HEATR9: variants seen among roughly 807,000 people sequenced by gnomAD.
The protein encoded by HEATR9 is HEAT repeat containing 9.
Under a neutral mutation model 68.2 loss-of-function variants are expected in HEATR9, and 54 were observed. The observed-to-expected ratio is 0.79, with a 90% confidence interval of 0.64 to 0.99. HEATR9 has a LOEUF of 0.99. HEATR9 is among the 50% of genes least tolerant of loss of function. HEATR9 has a pLI of 0.00. For missense variants in HEATR9, 662 were observed against 679.7 expected (o/e 0.97, Z 0.29); for synonymous variants, 241 against 253.5 (o/e 0.95, Z 0.47).
At chr17:35,863,669 TAGA>T in intron 6 of HEATR9, 110 bp from the exon 7 acceptor site, 1 of 1,195,016 alleles carries the variant, frequency 8.4e-7, no homozygotes, top group Non-Finnish European at 1.2e-6. Flanking sequence ...AACTGAAGCC[TAGA>T]AAGTGACCTA....
At chr17:35,856,835 G>A (rs757091517) in intron 11 of HEATR9, 30 bp from the exon 12 acceptor site, 1 of 1,566,368 alleles carries the variant, frequency 6.4e-7, no homozygotes, top group South Asian at 1.2e-5. Flanking sequence ...AGTCAACAGA[G>A]AGAGGGAATG....
Position 35,854,956 on chromosome 17 carries a change from A to T in HEATR9, c.*107T>A. The T allele has an allele frequency of 2.3e-6, 2 of 879,208 alleles. No individual in the cohort carries two copies. Among genetic ancestry groups the T allele is most frequent in the Non-Finnish European group, 1.8e-6 (1 of 569,832 alleles). 54.5% of individuals were successfully genotyped at this position (879,208 alleles called of 1,614,324 possible). A position where few individuals can be genotyped will look rare whatever the true frequency, so the allele number is the denominator to read the frequency against. Reference sequence around the variant, plus strand: ...AGTGATTCAGAGAAATGTGGTAGGTAGAGTGACACTTGTTTATTCACGGAA... The same window carrying T: ...AGTGATTCAGAGAAATGTGGTAGGTTGAGTGACACTTGTTTATTCACGGAA... On this transcript the variant is annotated 3_prime_UTR_variant, in exon 15 of 15. Coordinates refer to ENST00000604834, the MANE Select transcript of HEATR9 (RefSeq NM_152781.4).
At position 35,863,110 on chromosome 17, in the gene HEATR9, T is replaced by G; in HGVS notation, c.641A>C (p.His214Pro). 6.2e-7 allele frequency: 1 copy of G among 1,614,128 alleles called. No individual in the cohort carries two copies. Among genetic ancestry groups the G allele is most frequent in the Non-Finnish European group, 8.5e-7 (1 of 1,180,030 alleles). The part of the protein sequence containing the change: ...TLAILGCLNK[H>P]VIRALIKQLK... Reference sequence around the variant, plus strand: ...CTGTTTGATGAGAGCCCGGATCACATGCTTATTCAGGCAACCTGGACAGGG... The same window carrying G: ...CTGTTTGATGAGAGCCCGGATCACAGGCTTATTCAGGCAACCTGGACAGGG... Residue 214 changes from histidine to proline, a missense_variant, in exon 8 of 15, where the codon CAT becomes CCT. Transcript: ENST00000604834.
intron 8 of HEATR9, among the ~76,000 whole-genome samples, chr17:35,859,292 G>A (rs2087892337): frequency 6.6e-6 from 1 of 152,048 alleles, no homozygotes; most frequent in Admixed American, 6.6e-5. Flanking sequence ...CAACACTTCT[G>A]CTGTGTTAAT....
At chr17:35,857,226 C>A (rs560652302) in intron 11 of HEATR9, among the ~76,000 whole-genome samples, 2 of 152,226 alleles carry the variant, frequency 1.3e-5, no homozygotes, top group South Asian at 2.1e-4. Flanking sequence ...TGGACTCTTC[C>A]AAGCACTCTG....
In HEATR9 at chr17:35,855,148, G is replaced by C; in HGVS notation, c.1628C>G (p.Pro543Arg). The C allele has an allele frequency of 6.2e-7, 1 of 1,614,162 alleles. No individual in the cohort carries two copies. The highest frequency in any genetic ancestry group is 1.1e-5 in the South Asian group (1 of 91,080). ...TPAFPPCCSK[P>R]RKHRPQVIGP... Reference sequence around the variant, plus strand: ...TATGACCTGTGGCCTATGTTTTCGTGGTTTCGAGCAGCACGGTGGGAAAGC... The same window carrying C: ...TATGACCTGTGGCCTATGTTTTCGTCGTTTCGAGCAGCACGGTGGGAAAGC... The change falls in exon 15 of 15, where the codon CCA (proline) becomes CGA (arginine). Residue 543 changes from proline (P) to arginine (R), a missense_variant. Pro to Arg is a moderately radical substitution (Grantham distance 103). Transcript: ENST00000604834.
chr17:35,855,146 G>T lies in HEATR9; in HGVS notation c.1630C>A (p.Arg544=). ...CCTATGACCTGTGGCCTATGTTTTC[G>T]TGGTTTCGAGCAGCACGGTGGGAAA... ...PAFPPCCSKP[R]KHRPQVIGPW... Residue 544 remains arginine (R), a synonymous_variant, in exon 15 of 15, where the codon CGA becomes AGA. Transcript: ENST00000604834. The T allele has an allele frequency of 6.2e-7, 1 of 1,614,142 alleles. No homozygotes were observed.
At chr17:35,868,604 TC>T (rs1441040687) in intron 1 of HEATR9, 50 bp downstream of exon 1, 1 of 1,612,668 alleles carries the variant, frequency 6.2e-7, no homozygotes, top group Non-Finnish European at 8.5e-7. Flanking sequence ...AGGTAGCATT[TC>T]TTTTTCAGTC....
At chr17:35,867,639 C>T (rs2088256377) in intron 1 of HEATR9, among the ~76,000 whole-genome samples, 1 of 151,848 alleles carries the variant, frequency 6.6e-6, no homozygotes, top group Non-Finnish European at 1.5e-5. Context: ...TGAGACTGCC[C>T]CCTAACCCTC....
chr17:35,864,260 C>G lies in HEATR9; in HGVS notation c.553G>C (p.Ala185Pro). The change falls in exon 6 of 15, where the codon GCA (alanine) becomes CCA (proline). Residue 185 changes from alanine (A) to proline (P), a missense_variant. Transcript: ENST00000604834. ...CTCAGACTCACCACCTGCTGTAGTG[C>G]CTCCATGACAAACTTGTCACTGATG... Reference protein sequence around the residue: ...LRISDKFVMEALQQVAQTGPE... With the variant: ...LRISDKFVMEPLQQVAQTGPE... The G allele has an allele frequency of 6.2e-7, 1 of 1,612,374 alleles. No homozygotes were observed. The highest frequency in any genetic ancestry group is 8.5e-7 in the Non-Finnish European group (1 of 1,178,386).
chr17:35,861,535 C>T, intron 8 of HEATR9: 1 of 885,360 alleles, frequency 1.1e-6, no homozygotes, highest in Non-Finnish European at 1.9e-6. Flanking sequence ...GTAGATGGGC[C>T]TCGAAGAGAA....
At chr17:35,865,835 T>TC (rs1322492400) in intron 2 of HEATR9, among the ~76,000 whole-genome samples, 2 of 152,162 alleles carry the variant, frequency 1.3e-5, no homozygotes, top group African/African-American at 4.8e-5. Context: ...AGACTATTGC[T>TC]CATTCAGATA....
chr17:35,860,879 A>G (rs2087964077), intron 8 of HEATR9, among the ~76,000 whole-genome samples: 2 of 152,022 alleles, frequency 1.3e-5, no homozygotes, highest in South Asian at 2.1e-4. Context: ...CCTCGTCTCT[A>G]TTAAAAATAC....
Position 35,858,269 on chromosome 17 carries a change from G to T in HEATR9, c.1083C>A (p.Ile361=). 6.2e-7 allele frequency: 1 copy of T among 1,614,170 alleles called. No individual in the cohort carries two copies. Among genetic ancestry groups the T allele is most frequent in the Non-Finnish European group, 8.5e-7 (1 of 1,180,026 alleles). ...TGAGTTCCTCTAGCCCCTGTGCCTG[G>T]ATCTGTTCCAGCCCAATGGTCTTGA... ...QMLKTIGLEQ[I]QAQGLEELTF... The change falls in exon 11 of 15, where the codon ATC becomes ATA. Residue 361 remains isoleucine (I), a synonymous_variant. Coordinates refer to ENST00000604834, the MANE Select transcript of HEATR9 (RefSeq NM_152781.4).
Position 35,866,785 on chromosome 17 carries a change from GA to G in HEATR9, c.89-13del. ...GGCTTTTCTGAGTTCTGGCAAGAGG[GA>G]TAAGAGTATGTGTGTGGTTCAAATG... is the stretch of plus-strand genomic sequence containing the variant. On this transcript the variant is annotated splice_polypyrimidine_tract_variant and intron_variant, in intron 1 of 14. Coordinates refer to ENST00000604834, the MANE Select transcript of HEATR9 (RefSeq NM_152781.4). 1 of 1,613,508 alleles carries G rather than the reference GA, an allele frequency of 6.2e-7. No homozygotes were observed. Among genetic ancestry groups the G allele is most frequent in the South Asian group, 1.1e-5 (1 of 91,068 alleles).
chr17:35,861,537 C>T lies in HEATR9; in HGVS notation c.756+1458G>A, dbSNP rs182036041. ...TGTCATGGCTGGGGTAGATGGGCCT[C>T]GAAGAGAAATAACACTTCTTGATAC... On this transcript the variant is annotated intron_variant, in intron 8 of 14. Transcript: ENST00000604834. The T allele has an allele frequency of 5.6e-4, 491 of 873,122 alleles. 4 individuals carry two copies. In the East Asian group the frequency reaches 9.1e-3, roughly 16 times the overall value. The allele number at this position is 873,122 out of a possible 1,614,324, so 54.1% of individuals were successfully genotyped here.
intron 13 of HEATR9, 149 bp from the exon 14 acceptor site, chr17:35,855,899 T>C (rs1216482561): frequency 8.3e-6 from 6 of 726,568 alleles, no homozygotes; most frequent in Non-Finnish European, 1.2e-5. Context: ...CCTTGCCATT[T>C]GGAACCACTG....
At chr17:35,857,264 G>A (rs2087806540) in intron 11 of HEATR9, among the ~76,000 whole-genome samples, 1 of 152,132 alleles carries the variant, frequency 6.6e-6, no homozygotes, top group Non-Finnish European at 1.5e-5. Flanking sequence ...GGGACAACAG[G>A]TATAAATCAG....
intron 8 of HEATR9, among the ~76,000 whole-genome samples, chr17:35,860,331 G>T (rs1274598732): frequency 1.4e-5 from 2 of 143,852 alleles, no homozygotes; most frequent in East Asian, 4.2e-4. Context: ...GGTGGAGCTT[G>T]CAGTGAGCCG....
Sources: allele counts gnomAD v4.1 joint callset (sites outside exome capture counted in the v4.1 genomes callset), GRCh38; gene constraint gnomAD v4.1.1; transcripts MANE v1.5; gene names NCBI Gene and HGNC (gene_info 2026-07-23, HGNC 2026-07-21).